Variants in MTMR4 observed in about 807,000 individuals in gnomAD.
MTMR4 encodes phosphatidylinositol-3,5-bisphosphate 3-phosphatase MTMR4.
In MTMR4, 30 loss-of-function variants were observed where a neutral mutation model predicts 125.5. The observed-to-expected ratio is 0.24, with a 90% confidence interval of 0.18 to 0.32. The LOEUF is 0.32. MTMR4 is among the 10% of genes least tolerant of loss of function. The probability of loss-of-function intolerance (pLI) is 1.00; values close to 1 mark genes in which losing one functional copy is unlikely to be tolerated. For synonymous variants in MTMR4, 498 were observed against 564.5 expected, an observed-to-expected ratio of 0.88 and a Z score of 1.67; for missense variants, 1,039 against 1,511.5, an observed-to-expected ratio of 0.69 and a Z score of 5.18.
rs540314489 is a variant in MTMR4 at position 58,508,923 on chromosome 17, A to G, written c.336-82T>C. 4.7e-6 allele frequency: 7 copies of G among 1,488,442 alleles called. No individual in the cohort carries two copies. The East Asian group carries it at 1.6e-4, about 35-fold the overall frequency. 92.2% of individuals were successfully genotyped at this position (1,488,442 alleles called of 1,614,324 possible). On this transcript the variant is annotated intron_variant, in intron 4 of 17. Transcript: ENST00000682306. The surrounding 1 kb of genome is among the most constrained non-coding windows in gnomAD (Gnocchi z 4.8). The stretch of plus-strand genomic sequence containing the variant: ...CTATCAGGGCCAAAAACACAGCCAC[A>G]GGAAGGCTGTGAGGAGAGAAGGCTG...
Position 58,512,147 on chromosome 17 carries a change from G to A in MTMR4, c.252+243C>T, listed in dbSNP as rs189397865. Reference sequence around the variant, plus strand: ...ATTACAGGTGCGCACCACCAAGCCCGACTAATTTTTGTATTGTTAGTAGAG... The same window carrying A: ...ATTACAGGTGCGCACCACCAAGCCCAACTAATTTTTGTATTGTTAGTAGAG... On this transcript the variant is annotated intron_variant, in intron 3 of 17. Transcript: ENST00000682306. This position sits in a 1 kb window ranked among gnomAD's most constrained non-coding sequence, Gnocchi z 4.1. Among the ~76,000 whole-genome samples, 18 of 152,208 alleles carry A rather than the reference G, an allele frequency of 1.2e-4. No individual in the cohort carries two copies. The highest frequency in any genetic ancestry group is 3.9e-4 in the African/African-American group (16 of 41,540).
upstream of MTMR4, chr17:58,517,862 T>C (rs117162399): frequency 1.1e-3 from 176 of 154,482 alleles, 1 homozygote; most frequent in East Asian, 0.032. Context: ...TCTTGCCACT[T>C]CCGTCTCCCG....
rs1022329256 is a variant in MTMR4 at position 58,512,686 on chromosome 17, G to A, written c.135+166C>T. Among the ~76,000 whole-genome samples, 3 of 152,130 alleles carry A rather than the reference G, an allele frequency of 2.0e-5. No homozygotes were observed. Among genetic ancestry groups the A allele is most frequent in the East Asian group, 1.9e-4 (1 of 5,200 alleles). ...AGGAAAGCTGCCTTTCCTTCCCTGC[G>A]GCCAAAGGCTCCAGGATGCGCAGAC... On this transcript the variant is annotated intron_variant, in intron 2 of 17. Transcript: ENST00000682306. The surrounding 1 kb of genome is among the most constrained non-coding windows in gnomAD (Gnocchi z 4.1).
In MTMR4 at chr17:58,504,245, C is replaced by T. The variant is rs753127248; in HGVS notation, c.1528-25G>A. ...CCTAGAAAGCAGAGAGAGCTTGCAC[C>T]TGGGGGCCTCGGGCTGTCATTCCCC... On this transcript the variant is annotated intron_variant, in intron 12 of 17. Coordinates refer to ENST00000682306, the MANE Select transcript of MTMR4 (RefSeq NM_001378067.1). The surrounding 1 kb of genome is among the most constrained non-coding windows in gnomAD (Gnocchi z 7.1). 1.2e-6 allele frequency: 2 copies of T among 1,603,184 alleles called. No individual in the cohort carries two copies. Among genetic ancestry groups the T allele is most frequent in the Non-Finnish European group, 1.7e-6 (2 of 1,171,356 alleles).
Position 58,508,217 on chromosome 17 carries a change from C to G in MTMR4, c.651G>C (p.Glu217Asp). ...AGCGGAAGGAAGCCACGTTCTCCAGCTCTTTGTCAGTGATCCACACAGGAA... is the reference window on the plus strand; with the variant it reads ...AGCGGAAGGAAGCCACGTTCTCCAGGTCTTTGTCAGTGATCCACACAGGAA... ...LLVPVWITDK[E>D]LENVASFRSW... Residue 217 changes from glutamate (E) to aspartate (D), a missense_variant, in exon 7 of 18, where the codon GAG (glutamate) becomes GAC (aspartate). Physicochemically the swap from Glu to Asp is conservative, Grantham distance 45 (BLOSUM62 2). This residue lies in a region of MTMR4 where 202 missense variants were observed against 311.9 expected (regional missense o/e 0.65). Coordinates refer to ENST00000682306, the MANE Select transcript of MTMR4 (RefSeq NM_001378067.1). This position sits in a 1 kb window ranked among gnomAD's most constrained non-coding sequence, Gnocchi z 4.8. 1 of 1,613,928 alleles carries G rather than the reference C, an allele frequency of 6.2e-7. No homozygotes were observed. The highest frequency in any genetic ancestry group is 8.5e-7 in the Non-Finnish European group (1 of 1,180,002).
intron 14 of MTMR4, 59 bp from the exon 15 acceptor site, chr17:58,496,389 T>C: frequency 6.6e-6 from 9 of 1,373,564 alleles, no homozygotes; most frequent in Non-Finnish European, 8.9e-6. Flanking sequence ...ATACAATATA[T>C]GGAACTGAAT....
chr17:58,507,428 C>T, intron 7 of MTMR4, 109 bp from the exon 8 acceptor site: 1 of 931,630 alleles, frequency 1.1e-6, no homozygotes, highest in Non-Finnish European at 1.6e-6. Context: ...ACCAACTCAT[C>T]CAGGCCATAA....
At chr17:58,507,764 T>C (rs1339552914) in intron 7 of MTMR4, among the ~76,000 whole-genome samples, 3 of 152,204 alleles carry the variant, frequency 2.0e-5, no homozygotes, top group Non-Finnish European at 4.4e-5. Context: ...TCATGTATTC[T>C]TCTTTGCTTT....
Position 58,514,500 on chromosome 17 carries a change from C to G in MTMR4, c.-93G>C. ...CCCGCCGCATCCCGGCTGCGGGGCTCGCCAGGTGCAGCCGCGGCGGCCAAG... is the reference window on the plus strand; with the variant it reads ...CCCGCCGCATCCCGGCTGCGGGGCTGGCCAGGTGCAGCCGCGGCGGCCAAG... On this transcript the variant is annotated 5_prime_UTR_variant, in exon 1 of 18. Coordinates refer to ENST00000682306, the MANE Select transcript of MTMR4 (RefSeq NM_001378067.1). 2.0e-6 allele frequency: 2 copies of G among 985,130 alleles called. No homozygotes were observed. Among genetic ancestry groups the G allele is most frequent in the African/African-American group, 3.5e-5 (2 of 57,304 alleles). 61.0% of individuals were successfully genotyped at this position (985,130 alleles called of 1,614,324 possible).
chr17:58,506,901 G>A (rs1183225304), intron 8 of MTMR4, 30 bp from the exon 9 acceptor site: 3 of 1,602,820 alleles, frequency 1.9e-6, no homozygotes, highest in Non-Finnish European at 2.6e-6. Flanking sequence ...GAGTCCCTGA[G>A]TCAGCCAGCC....
Position 58,495,153 on chromosome 17 carries a change from G to C in MTMR4, c.3031C>G (p.Pro1011Ala), listed in dbSNP as rs369545771. 1.9e-6 allele frequency: 3 copies of C among 1,614,110 alleles called. No individual in the cohort carries two copies. Among genetic ancestry groups the C allele is most frequent in the Non-Finnish European group, 2.5e-6 (3 of 1,180,038 alleles). ...GGCACTGGAGAAGGGCAGTTCAGTG[G>C]AACGGGCTTTGTGCTAGAGACTTGC... ...PKQVSSTKPV[P>A]LNCPSPVPPL... Residue 1011 changes from proline (P) to alanine (A), a missense_variant, in exon 15 of 18, where the codon CCA becomes GCA. Physicochemically the swap from Pro to Ala is conservative, Grantham distance 27. Transcript: ENST00000682306.
At position 58,512,645 on chromosome 17, in the gene MTMR4, C is replaced by G; in HGVS notation, c.136-139G>C. ...AGAGTTCTCTCCACGGTAACAGCAC[C>G]AGGCAACAGCTGTACAGGAAAGCTG... is the stretch of plus-strand genomic sequence containing the variant. On this transcript the variant is annotated intron_variant, in intron 2 of 17. Transcript: ENST00000682306. The surrounding 1 kb of genome is among the most constrained non-coding windows in gnomAD (Gnocchi z 4.1). The G allele has an allele frequency of 2.7e-5, 22 of 815,588 alleles. No individual in the cohort carries two copies. The South Asian group carries it at 3.3e-4, about 12-fold the overall frequency. 50.5% of individuals were successfully genotyped at this position (815,588 alleles called of 1,614,324 possible).
rs778512664 is a variant in MTMR4, at chr17:58,494,956, G to A, written c.3228C>T (p.Pro1076=). ...CAAAATCATCCTCATAGTCCATGGG[G>A]GGCTCTGCTGGAGGGGCACAGCAGT... The part of the protein sequence containing the change: ...IRHCCAPPAE[P]PMDYEDDFTC... The change falls in exon 15 of 18, where the codon CCC becomes CCT. Residue 1076 remains proline (P), a synonymous_variant. Coordinates refer to ENST00000682306, the MANE Select transcript of MTMR4 (RefSeq NM_001378067.1). 2 of 1,614,104 alleles carry A rather than the reference G, an allele frequency of 1.2e-6. No homozygotes were observed. The highest frequency in any genetic ancestry group is 1.7e-5 in the Admixed American group (1 of 60,020).
At chr17:58,506,083 A>T (rs1975773270) in intron 9 of MTMR4, among the ~76,000 whole-genome samples, 1 of 152,262 alleles carries the variant, frequency 6.6e-6, no homozygotes, top group South Asian at 2.1e-4. Context: ...TATATTAATA[A>T]TAGTAACAGT....
upstream of MTMR4, chr17:58,514,878 C>T: frequency 5.8e-6 from 3 of 518,352 alleles, no homozygotes; most frequent in Non-Finnish European, 7.4e-6. Flanking sequence ...CTTACAAACC[C>T]ATCCCCGCGC....
rs1975840903 is a variant in MTMR4 at position 58,508,576 on chromosome 17, C to A, written c.497-12G>T. 1 of 1,614,184 alleles carries A rather than the reference C, an allele frequency of 6.2e-7. No homozygotes were observed. The highest frequency in any genetic ancestry group is 8.5e-7 in the Non-Finnish European group (1 of 1,180,022). ...ACGTATGTGCTCACCTGCAACAGAG[C>A]CCCCACGATGGTTAGCTTCCCAGAG... On this transcript the variant is annotated splice_polypyrimidine_tract_variant and intron_variant, in intron 5 of 17. Transcript: ENST00000682306. This position sits in a 1 kb window ranked among gnomAD's most constrained non-coding sequence, Gnocchi z 4.8.
intron 4 of MTMR4, 161 bp downstream of exon 4, chr17:58,511,268 A>G: frequency 1.6e-6 from 1 of 628,280 alleles, no homozygotes; most frequent in South Asian, 2.2e-5. Context: ...CCTATGGGTC[A>G]GTAAACTGAC....
chr17:58,512,335 C>T lies in MTMR4; in HGVS notation c.252+55G>A. ...AAGGACAGCCTTGGAACAATCCCAC[C>T]TTGAACTTCATAGGGATTCTAGCTT... is the stretch of plus-strand genomic sequence containing the variant. On this transcript the variant is annotated intron_variant, in intron 3 of 17. Coordinates refer to ENST00000682306, the MANE Select transcript of MTMR4 (RefSeq NM_001378067.1). This position sits in a 1 kb window ranked among gnomAD's most constrained non-coding sequence, Gnocchi z 4.1. 6.9e-7 allele frequency: 1 copy of T among 1,453,244 alleles called. No homozygotes were observed. Among genetic ancestry groups the T allele is most frequent in the South Asian group, 1.1e-5 (1 of 87,570 alleles). 90.0% of individuals were successfully genotyped at this position (1,453,244 alleles called of 1,614,324 possible).
At chr17:58,515,290 C>T (rs1261920728), upstream of MTMR4, among the ~76,000 whole-genome samples, 1 of 152,056 alleles carries the variant, frequency 6.6e-6, no homozygotes, top group Non-Finnish European at 1.5e-5. Context: ...CCAGGAGCAG[C>T]GGAGTAGAGA....
Sources: gnomAD v4.1 joint callset for allele counts (sites outside exome capture counted in the v4.1 genomes callset) on GRCh38, gnomAD v4.1.1 for gene constraint, gnomAD v4.1.1 regional missense constraint, Gnocchi (gnomAD v3.1) non-coding constraint, MANE v1.5 for transcripts, NCBI Gene and HGNC (gene_info 2026-07-23, HGNC 2026-07-21) for gene names.